PTPRF: variants seen among roughly 807,000 people sequenced by gnomAD.
PTPRF encodes receptor-type tyrosine-protein phosphatase F.
Under a neutral mutation model 201.8 loss-of-function variants are expected in PTPRF, and 59 were observed. That is an observed-to-expected ratio of 0.29 (90% CI 0.24 to 0.36). The LOEUF (loss-of-function observed/expected upper bound fraction) is 0.36. Among genes scored for constraint, PTPRF ranks in the 10% least tolerant of loss-of-function variants. PTPRF has a pLI of 1.00. For synonymous variants in PTPRF, 1,088 were observed against 1,089.7 expected (o/e 1.00, Z 0.03); for missense variants, 2,132 against 2,690.5 (o/e 0.79, Z 4.59).
chr1:43,609,474 C>T lies in PTPRF; in HGVS notation c.3949C>T (p.Arg1317Trp), dbSNP rs113465093. The T allele has an allele frequency of 7.4e-6, 12 of 1,613,800 alleles. No individual in the cohort carries two copies. Among genetic ancestry groups the T allele is most frequent in the East Asian group, 2.2e-5 (1 of 44,858 alleles). ...LAHSSDPVEM[R>W]RLNYQTPGMR... ...CCACTCCTCTGACCCTGTGGAGATG[C>T]GGAGGCTCAACTACCAGACCCCAGG... The change falls in exon 22 of 34, where the codon CGG (arginine) becomes TGG (tryptophan). Residue 1317 changes from arginine (R) to tryptophan (W), a missense_variant. Around this residue, in one of 6 missense-constraint regions of PTPRF, gnomAD observed 818 missense variants for 915.3 expected, o/e 0.89. Transcript: ENST00000359947.
chr1:43,556,768 G>A (rs1045361944), intron 5 of PTPRF, among the ~76,000 whole-genome samples: 6 of 152,338 alleles, frequency 3.9e-5, no homozygotes, highest in African/African-American at 1.2e-4. Flanking sequence ...TGTATGAAGC[G>A]CTTCCCAGGA....
chr1:43,549,875 G>C (rs1422993494), intron 3 of PTPRF, among the ~76,000 whole-genome samples: 2 of 151,388 alleles, frequency 1.3e-5, no homozygotes, highest in African/African-American at 4.9e-5. Context: ...AAAAAAAAAA[G>C]ACTAAAGAAA....
At chr1:43,595,065 G>A (rs889305764) in intron 11 of PTPRF, among the ~76,000 whole-genome samples, 1 of 152,210 alleles carries the variant, frequency 6.6e-6, no homozygotes, top group Non-Finnish European at 1.5e-5. Context: ...AAAGCTGGTG[G>A]ATGTTTCATG....
intron 2 of PTPRF, among the ~76,000 whole-genome samples, chr1:43,543,278 G>A (rs755388095): frequency 1.3e-5 from 2 of 152,244 alleles, no homozygotes; most frequent in Non-Finnish European, 2.9e-5. Context: ...CGCAAGCTCA[G>A]GCAGGGCCTT....
At chr1:43,612,858 C>G in intron 22 of PTPRF, 1 of 1,295,010 alleles carries the variant, frequency 7.7e-7, no homozygotes, top group East Asian at 4.7e-5. Flanking sequence ...TCTGTTTCCA[C>G]TCCTTACTTT....
rs1391095836 is a variant in PTPRF, at chr1:43,554,358, G to A, written c.379+417G>A. ...TTGCCCCTGTGAGCTGAGGGCTGGG[G>A]CTCTGTCCGTGGATTTTAGTGTCTT... On this transcript the variant is annotated intron_variant, in intron 5 of 33. Transcript: ENST00000359947. This position sits in a 1 kb window ranked among gnomAD's most constrained non-coding sequence, Gnocchi z 4.1. Among the ~76,000 whole-genome samples, 2 of 152,170 alleles carry A rather than the reference G, an allele frequency of 1.3e-5. No individual in the cohort carries two copies. The highest frequency in any genetic ancestry group is 2.1e-4 in the South Asian group (1 of 4,828).
chr1:43,559,913 G>A (rs993750169), intron 5 of PTPRF, among the ~76,000 whole-genome samples: 6 of 149,992 alleles, frequency 4.0e-5, no homozygotes, highest in South Asian at 2.1e-4. Context: ...GTGTGCGCGC[G>A]TGTGTACAGC....
At chr1:43,533,773 A>AT (rs1170480872) in intron 1 of PTPRF, among the ~76,000 whole-genome samples, 1 of 152,184 alleles carries the variant, frequency 6.6e-6, no homozygotes, top group Non-Finnish European at 1.5e-5. Context: ...CCTACCCTCG[A>AT]GAAGCTCGTG....
intron 33 of PTPRF, 35 bp downstream of exon 33, chr1:43,621,267 G>A (rs760077566): frequency 1.1e-5 from 18 of 1,607,986 alleles, no homozygotes; most frequent in South Asian, 3.3e-5. Flanking sequence ...CAGGGCCTTG[G>A]CAGCAGCGCT....
At chr1:43,609,307 G>C in intron 21 of PTPRF, 76 bp from the exon 22 acceptor site, 1 of 1,233,828 alleles carries the variant, frequency 8.1e-7, no homozygotes, top group Non-Finnish European at 1.2e-6. Flanking sequence ...GGGGCTCCTT[G>C]GCAGCCAGCC....
chr1:43,604,773 C>A, intron 16 of PTPRF, 130 bp from the exon 17 acceptor site: 1 of 777,740 alleles, frequency 1.3e-6, no homozygotes, highest in Non-Finnish European at 2.2e-6. Context: ...GCGCTTGGTA[C>A]TCTGCAGCCA....
At chr1:43,550,179 T>G (rs1473965415) in intron 3 of PTPRF, among the ~76,000 whole-genome samples, 3 of 152,094 alleles carry the variant, frequency 2.0e-5, no homozygotes, top group Admixed American at 1.3e-4. Context: ...TGCAGGCTCC[T>G]CTCCAGCCTC....
At chr1:43,582,191 A>G (rs1326370318) in intron 7 of PTPRF, among the ~76,000 whole-genome samples, 1 of 152,192 alleles carries the variant, frequency 6.6e-6, no homozygotes, top group African/African-American at 2.4e-5. Flanking sequence ...GCTACATTTA[A>G]TGGGACAGTA....
intron 22 of PTPRF, among the ~76,000 whole-genome samples, chr1:43,610,932 A>G (rs1656286641): frequency 6.6e-6 from 1 of 152,202 alleles, no homozygotes; most frequent in Non-Finnish European, 1.5e-5. Context: ...CTACCTACCT[A>G]TGGTTGCTTT....
chr1:43,533,656 G>T (rs71636604), intron 1 of PTPRF, among the ~76,000 whole-genome samples: 30,836 of 152,062 alleles, frequency 0.2, 3,829 homozygotes, highest in East Asian at 0.38. Flanking sequence ...TCCCAGGGCT[G>T]TTGTAAGAAT....
intron 11 of PTPRF, among the ~76,000 whole-genome samples, chr1:43,593,102 G>C (rs1651288023): frequency 1.3e-5 from 2 of 152,240 alleles, no homozygotes; most frequent in Non-Finnish European, 2.9e-5. Flanking sequence ...CTCGGGGACA[G>C]GTCTGAGAAT....
At chr1:43,590,245 T>C (rs765713359) in intron 8 of PTPRF, among the ~76,000 whole-genome samples, 15 of 152,202 alleles carry the variant, frequency 9.9e-5, no homozygotes, top group Non-Finnish European at 1.6e-4. Context: ...TCCCTGGATC[T>C]TACTCCACCT....
chr1:43,596,438 G>A (rs934059442), intron 11 of PTPRF, among the ~76,000 whole-genome samples: 2 of 152,170 alleles, frequency 1.3e-5, no homozygotes, highest in Admixed American at 1.3e-4. Context: ...GGAAACCTGT[G>A]CATTGCAGCA....
At chr1:43,551,770 G>A (rs1317767383) in intron 3 of PTPRF, among the ~76,000 whole-genome samples, 1 of 152,200 alleles carries the variant, frequency 6.6e-6, no homozygotes, top group African/African-American at 2.4e-5. Context: ...CTTCCCTCAT[G>A]GAAGGCCCAC....
Sources: gnomAD v4.1 joint callset for allele counts (sites outside exome capture counted in the v4.1 genomes callset) on GRCh38, gnomAD v4.1.1 for gene constraint, gnomAD v4.1.1 regional missense constraint, Gnocchi (gnomAD v3.1) non-coding constraint, MANE v1.5 for transcripts, NCBI Gene and HGNC (gene_info 2026-07-23, HGNC 2026-07-21) for gene names.